DENND1A: variants seen among roughly 807,000 people sequenced by gnomAD.
The protein encoded by DENND1A is DENN domain containing 1A, also known as DENN domain-containing protein 1A.
DENND1A carries 51 observed loss-of-function variants against 113.7 expected under a neutral mutation model. The ratio of observed to expected loss-of-function variants is 0.45; its 90% CI spans 0.36 to 0.57. The LOEUF is 0.57. Among genes scored for constraint, DENND1A ranks in the 20% least tolerant of loss-of-function variants. The pLI, the probability that DENND1A is intolerant of heterozygous loss-of-function variation, is 0.00. For synonymous variants in DENND1A, 565 were observed against 570.8 expected, an observed-to-expected ratio of 0.99 and a Z score of 0.14; for missense variants, 1,258 against 1,395.9, an observed-to-expected ratio of 0.90 and a Z score of 1.57.
At chr9:123,628,096 C>A (rs142094885) in intron 10 of DENND1A, among the ~76,000 whole-genome samples, 1 of 152,080 alleles carries the variant, frequency 6.6e-6, no homozygotes, top group East Asian at 1.9e-4. Context: ...CCTCTTAGCC[C>A]CGTCCTATCC....
chr9:123,892,806 AC>A, intron 1 of DENND1A, among the ~76,000 whole-genome samples: 1 of 152,290 alleles, frequency 6.6e-6, no homozygotes, highest in South Asian at 2.1e-4. Context: ...ACATGGTGAA[AC>A]CCTGTCTCTA....
chr9:123,451,671 C>A (rs1012704479), intron 17 of DENND1A, among the ~76,000 whole-genome samples: 1 of 152,178 alleles, frequency 6.6e-6, no homozygotes, highest in Non-Finnish European at 1.5e-5. Context: ...ACCATGCTTC[C>A]GGGTCTCAGA....
At chr9:123,915,313 A>G (rs898772245) in intron 1 of DENND1A, among the ~76,000 whole-genome samples, 1 of 152,162 alleles carries the variant, frequency 6.6e-6, no homozygotes, top group African/African-American at 2.4e-5. Context: ...TAGTGGAGTT[A>G]AATACTTATA....
chr9:123,731,967 C>T (rs1235672102), intron 5 of DENND1A, among the ~76,000 whole-genome samples: 1 of 152,110 alleles, frequency 6.6e-6, no homozygotes, highest in South Asian at 2.1e-4. Context: ...GCACGATATG[C>T]CCCAATCACT....
chr9:123,833,324 GT>G (rs879605592), intron 2 of DENND1A, among the ~76,000 whole-genome samples: 1 of 151,900 alleles, frequency 6.6e-6, no homozygotes, highest in Non-Finnish European at 1.5e-5. Flanking sequence ...GCATTTTCCT[GT>G]TTGTTCCTGT....
At chr9:123,828,578 T>A (rs999852830) in intron 2 of DENND1A, among the ~76,000 whole-genome samples, 1 of 147,586 alleles carries the variant, frequency 6.8e-6, no homozygotes, top group Admixed American at 6.8e-5. Flanking sequence ...CATTAACACC[T>A]ACACTAATCA....
intron 19 of DENND1A, among the ~76,000 whole-genome samples, chr9:123,418,009 T>C (rs1318836538): frequency 1.3e-5 from 2 of 152,028 alleles, no homozygotes; most frequent in Non-Finnish European, 2.9e-5. Flanking sequence ...GGAGGTCAGA[T>C]AAAAAGAGGG....
At chr9:123,417,514 T>TA (rs1333637932) in intron 19 of DENND1A, among the ~76,000 whole-genome samples, 1 of 152,206 alleles carries the variant, frequency 6.6e-6, no homozygotes, top group African/African-American at 2.4e-5. Flanking sequence ...GTCACACAGC[T>TA]AGTAGCGAAA....
chr9:123,562,510 G>T (rs2136151983), intron 12 of DENND1A, among the ~76,000 whole-genome samples: 1 of 152,242 alleles, frequency 6.6e-6, no homozygotes, highest in South Asian at 2.1e-4. Context: ...GGAAAAACAT[G>T]CAGGTTGCAG....
intron 5 of DENND1A, among the ~76,000 whole-genome samples, chr9:123,694,420 CT>C (rs751591908): frequency 2.0e-4 from 31 of 152,156 alleles, no homozygotes; most frequent in Non-Finnish European, 4.0e-4. Flanking sequence ...AACTGTTTAA[CT>C]CTCTCATTTT....
intron 3 of DENND1A, among the ~76,000 whole-genome samples, chr9:123,770,999 T>A (rs1829643747): frequency 6.6e-6 from 1 of 152,160 alleles, no homozygotes. Context: ...TTTTTTAATA[T>A]CATCTTGGAC....
At chr9:123,794,422 C>A (rs1429414272) in intron 2 of DENND1A, among the ~76,000 whole-genome samples, 3 of 152,170 alleles carry the variant, frequency 2.0e-5, no homozygotes, top group African/African-American at 7.2e-5. Flanking sequence ...GCTGGGAAAG[C>A]CACTAAATCA....
At chr9:123,409,304 G>A (rs558894653) in intron 20 of DENND1A, among the ~76,000 whole-genome samples, 7 of 150,988 alleles carry the variant, frequency 4.6e-5, no homozygotes, top group East Asian at 1.9e-4. Flanking sequence ...TTTTCTTCCC[G>A]CAGCATTTTA....
chr9:123,563,281 C>T (rs773017253), intron 12 of DENND1A, among the ~76,000 whole-genome samples: 7 of 152,166 alleles, frequency 4.6e-5, no homozygotes, highest in East Asian at 1.9e-4. Flanking sequence ...TTCACCCGAC[C>T]GTGTACCCCT....
intron 12 of DENND1A, among the ~76,000 whole-genome samples, chr9:123,572,407 T>C (rs2058407446): frequency 6.6e-6 from 1 of 152,176 alleles, no homozygotes; most frequent in Non-Finnish European, 1.5e-5. Context: ...CATACATACG[T>C]TTTCCTTTTC....
chr9:123,866,695 G>A (rs1845837260), intron 2 of DENND1A, among the ~76,000 whole-genome samples: 1 of 152,262 alleles, frequency 6.6e-6, no homozygotes, highest in African/African-American at 2.4e-5. Context: ...ATGCTGGTTT[G>A]TACCACTTCC....
intron 1 of DENND1A, among the ~76,000 whole-genome samples, chr9:123,884,997 G>GCGCACACACACA (rs370719014): frequency 6.9e-6 from 1 of 145,836 alleles, no homozygotes; most frequent in African/African-American, 2.5e-5. Context: ...GAGCGCGCGC[G>GCGCACACACACA]CACACACACA....
At chr9:123,593,834 G>A (rs900642537) in intron 11 of DENND1A, among the ~76,000 whole-genome samples, 4 of 152,128 alleles carry the variant, frequency 2.6e-5, no homozygotes. Flanking sequence ...CCCAGTGTTG[G>A]AGGAGGGGCC....
At chr9:123,882,322 CAAAAAAA>C (rs59820553) in intron 1 of DENND1A, among the ~76,000 whole-genome samples, 12,919 of 124,416 alleles carry the variant, frequency 0.1, 928 homozygotes, top group African/African-American at 0.22. Flanking sequence ...AACCTTGTTT[CAAAAAAA>C]AAAAAAAAAA....
Sources: allele counts gnomAD v4.1 joint callset (sites outside exome capture counted in the v4.1 genomes callset), GRCh38; gene constraint gnomAD v4.1.1; transcripts MANE v1.5; gene names NCBI Gene and HGNC (gene_info 2026-07-23, HGNC 2026-07-21).